ABHD5: variants seen among roughly 807,000 people sequenced by gnomAD.
ABHD5 encodes the protein 1-acylglycerol-3-phosphate O-acyltransferase ABHD5.
A neutral mutation model predicts 44.9 loss-of-function variants in ABHD5; 30 were observed. The ratio of observed to expected loss-of-function variants is 0.67; its 90% CI spans 0.50 to 0.91. The LOEUF is 0.91. Ranked by LOEUF, ABHD5 falls within the 40% of genes least tolerant of loss-of-function variation. ABHD5 has a pLI of 0.00. For synonymous variants in ABHD5, 167 were observed against 147.0 expected (o/e 1.14, Z -0.99); for missense variants, 399 against 423.4 (o/e 0.94, Z 0.50).
intron 2 of ABHD5, among the ~76,000 whole-genome samples, chr3:43,701,082 A>G (rs1351373314): frequency 6.6e-6 from 1 of 152,224 alleles, no homozygotes; most frequent in Non-Finnish European, 1.5e-5. Flanking sequence ...GCAAATAGGA[A>G]TGTGAATTGG....
intron 2 of ABHD5, among the ~76,000 whole-genome samples, chr3:43,699,930 G>T (rs2084519249): frequency 6.6e-6 from 1 of 152,148 alleles, no homozygotes; most frequent in Non-Finnish European, 1.5e-5. Flanking sequence ...TTAGTATTAT[G>T]ATGAAAATAG....
intron 4 of ABHD5, 73 bp from the exon 5 acceptor site, chr3:43,714,874 A>G: frequency 9.4e-7 from 1 of 1,058,552 alleles, no homozygotes; most frequent in East Asian, 2.6e-5. Flanking sequence ...AAGCACTAAA[A>G]CTTTCTATAT....
chr3:43,732,874 G>A (rs1697260853), intron 7 of ABHD5, among the ~76,000 whole-genome samples: 1 of 152,174 alleles, frequency 6.6e-6, no homozygotes, highest in Admixed American at 6.5e-5. Flanking sequence ...GGAAGGACAT[G>A]CTTTCCAAGC....
chr3:43,723,058 A>G (rs2084854170), downstream of ABHD5, among the ~76,000 whole-genome samples: 1 of 152,204 alleles, frequency 6.6e-6, no homozygotes, highest in South Asian at 2.1e-4. Context: ...CAGCAAACAG[A>G]GTAAGGTCAT....
intron 3 of ABHD5, 132 bp downstream of exon 3, chr3:43,702,719 C>T (rs2084560164): frequency 2.4e-6 from 3 of 1,251,768 alleles, no homozygotes; most frequent in Non-Finnish European, 3.5e-6. Flanking sequence ...ATAGACCACA[C>T]CACAACTGAT....
chr3:43,730,499 C>CTTTTTTTTT (rs68058215), intron 7 of ABHD5, among the ~76,000 whole-genome samples: 1 of 68,972 alleles, frequency 1.4e-5, no homozygotes, highest in Non-Finnish European at 2.7e-5. Flanking sequence ...AAAATAATCC[C>CTTTTTTTTT]TTTTTTTTTT....
intron 4 of ABHD5, 140 bp downstream of exon 4, chr3:43,712,003 A>G (rs1010619236): frequency 1.8e-6 from 2 of 1,093,004 alleles, no homozygotes; most frequent in African/African-American, 3.1e-5. Context: ...AATAAGTACC[A>G]TGTCTTGCAC....
At chr3:43,726,452 A>G (rs2084878502), downstream of ABHD5, among the ~76,000 whole-genome samples, 1 of 152,184 alleles carries the variant, frequency 6.6e-6, no homozygotes, top group Admixed American at 6.5e-5. Flanking sequence ...ATTGAGGACA[A>G]CACCATGAAA....
chr3:43,720,859 C>G lies in ABHD5; in HGVS notation c.*2327C>G, dbSNP rs1008706767. On this transcript the variant is annotated 3_prime_UTR_variant, in exon 7 of 7. Coordinates refer to ENST00000644371, the MANE Select transcript of ABHD5 (RefSeq NM_016006.6). ...CCGCCATACATGGCTTTACCTGGGT[C>G]CATGCATTCCCTTAAGATGACTTCT... 2 of 151,916 alleles carry G rather than the reference C, an allele frequency of 1.3e-5. No homozygotes were observed. The highest frequency in any genetic ancestry group is 4.8e-5 in the African/African-American group (2 of 41,340). The allele number at this position is 151,916 out of a possible 1,614,324, so 9.4% of individuals were successfully genotyped here.
At chr3:43,731,321 C>G (rs1343029832) in intron 7 of ABHD5, among the ~76,000 whole-genome samples, 1 of 152,174 alleles carries the variant, frequency 6.6e-6, no homozygotes. Flanking sequence ...CAGACTGGCA[C>G]TCAATGGTTT....
At position 43,731,500 on chromosome 3, in the gene ABHD5, C is replaced by A. The variant is rs559100558; in HGVS notation, c.*30-2380C>A. Among the ~76,000 whole-genome samples, 4 of 152,234 alleles carry A rather than the reference C, an allele frequency of 2.6e-5. No homozygotes were observed. In the South Asian group the frequency reaches 8.3e-4, roughly 32 times the overall value. ...CACTGCATACATAATTTTGGGGGCC[C>A]AATGCATAATAAAAGCGTGGGGCTG... On this transcript the variant is annotated intron_variant, in intron 7 of 7. Coordinates refer to the ABHD5 transcript ENST00000454293.
chr3:43,708,871 C>T (rs936274655), intron 3 of ABHD5, among the ~76,000 whole-genome samples: 2 of 152,286 alleles, frequency 1.3e-5, no homozygotes, highest in South Asian at 4.1e-4. Flanking sequence ...CACCCATGCA[C>T]ATATACATTA....
chr3:43,732,979 T>G (rs1275586429), intron 7 of ABHD5, among the ~76,000 whole-genome samples: 1 of 152,234 alleles, frequency 6.6e-6, no homozygotes, highest in Non-Finnish European at 1.5e-5. Flanking sequence ...TCAGTTTGTT[T>G]CCACGTGAAC....
chr3:43,730,386 A>G (rs2084904945), intron 7 of ABHD5, among the ~76,000 whole-genome samples: 1 of 152,182 alleles, frequency 6.6e-6, no homozygotes. Context: ...AGTATGAAAA[A>G]CACTGGTGAG....
chr3:43,690,968 T>A lies in ABHD5; in HGVS notation c.-25T>A. 6.4e-7 allele frequency: 1 copy of A among 1,566,130 alleles called. No homozygotes were observed. The highest frequency in any genetic ancestry group is 1.8e-5 in the Admixed American group (1 of 55,112). On this transcript the variant is annotated 5_prime_UTR_variant, in exon 1 of 7. Coordinates refer to ENST00000644371, the MANE Select transcript of ABHD5 (RefSeq NM_016006.6). ...GCCTGTCAGCCGGCTTCGAGATAAG[T>A]CCCGGCGCTTGCGCGGCGGCGGCTA... is the stretch of plus-strand genomic sequence containing the variant.
At position 43,715,050 on chromosome 3, in the gene ABHD5, G is replaced by C. The variant is rs1415831196; in HGVS notation, c.765G>C (p.Gln255His). ...VTEYIYHCNV[Q>H]TPSGETAFKN... is the part of the protein sequence containing the mutation. ...AATACATCTACCACTGTAATGTGCA[G>C]ACTCCAAGGTGAGGGTTAGGATTCT... The change falls in exon 5 of 7, where the codon CAG becomes CAC. Residue 255 changes from glutamine to histidine, a missense_variant. Transcript: ENST00000644371. 1.2e-6 allele frequency: 2 copies of C among 1,607,214 alleles called. No homozygotes were observed. The highest frequency in any genetic ancestry group is 2.7e-5 in the African/African-American group (2 of 74,290).
At chr3:43,694,323 C>CCAAA (rs2084443631) in intron 1 of ABHD5, among the ~76,000 whole-genome samples, 3 of 150,208 alleles carry the variant, frequency 2.0e-5, no homozygotes, top group East Asian at 3.9e-4. Flanking sequence ...TTAATCATTG[C>CCAAA]CTTGACTAAT....
At chr3:43,690,895 C>T (rs886058486), upstream of ABHD5, 9 of 1,332,528 alleles carry the variant, frequency 6.8e-6, no homozygotes, top group African/African-American at 1.5e-5. Context: ...CATGCGCTGG[C>T]GGCCTGCGCC....
At chr3:43,718,311 TA>T in intron 6 of ABHD5, 131 bp from the exon 7 acceptor site, 1 of 792,760 alleles carries the variant, frequency 1.3e-6, no homozygotes, top group South Asian at 1.4e-5. Flanking sequence ...AGATTATTGT[TA>T]TTTTTTAATC....
Sources: allele counts gnomAD v4.1 joint callset (sites outside exome capture counted in the v4.1 genomes callset), GRCh38; gene constraint gnomAD v4.1.1; transcripts MANE v1.5; gene names NCBI Gene and HGNC (gene_info 2026-07-23, HGNC 2026-07-21).